PTPRT: variants seen among roughly 807,000 people sequenced by gnomAD.
The protein encoded by PTPRT is protein tyrosine phosphatase receptor type T.
In PTPRT, 56 loss-of-function variants were observed where a neutral mutation model predicts 176.8. That is an observed-to-expected ratio of 0.32 (90% CI 0.26 to 0.40). The LOEUF (loss-of-function observed/expected upper bound fraction) is 0.40, where lower values mean the gene tolerates loss of function less well. PTPRT is among the 10% of genes least tolerant of loss of function. The probability of loss-of-function intolerance (pLI) is 1.00; values close to 1 mark genes in which losing one functional copy is unlikely to be tolerated. For missense variants in PTPRT, 1,540 were observed against 1,908.2 expected (o/e 0.81, Z 3.60); for synonymous variants, 783 against 739.0 (o/e 1.06, Z -0.96).
chr20:42,201,257 G>A (rs759265079), intron 15 of PTPRT, among the ~76,000 whole-genome samples: 6 of 152,152 alleles, frequency 3.9e-5, no homozygotes, highest in Non-Finnish European at 7.4e-5. Flanking sequence ...CCGAGATCAC[G>A]CCTCTGCACT....
chr20:42,218,896 T>G (rs1363465358), intron 15 of PTPRT, among the ~76,000 whole-genome samples: 1 of 152,202 alleles, frequency 6.6e-6, no homozygotes, highest in Admixed American at 6.5e-5. Flanking sequence ...ATGTGTTACT[T>G]TGGCTGTAAG....
chr20:42,119,820 G>A, intron 20 of PTPRT, 115 bp downstream of exon 20: 3 of 910,344 alleles, frequency 3.3e-6, no homozygotes, highest in Non-Finnish European at 4.9e-6. Context: ...TAGTGAAAAA[G>A]GAGGGTTGGA....
intron 8 of PTPRT, among the ~76,000 whole-genome samples, chr20:42,459,941 A>G (rs1012052532): frequency 2.0e-5 from 3 of 152,188 alleles, no homozygotes; most frequent in Non-Finnish European, 2.9e-5. Flanking sequence ...TTGGAGATGT[A>G]AAAGCCAGGG....
At chr20:42,142,487 A>G (rs1988674782) in intron 17 of PTPRT, among the ~76,000 whole-genome samples, 1 of 152,210 alleles carries the variant, frequency 6.6e-6, no homozygotes, top group African/African-American at 2.4e-5. Flanking sequence ...GTGATGAGGA[A>G]TGAGAATTAT....
At chr20:42,228,202 T>C (rs375788844) in intron 15 of PTPRT, among the ~76,000 whole-genome samples, 2 of 152,226 alleles carry the variant, frequency 1.3e-5, no homozygotes, top group East Asian at 1.9e-4. Context: ...AAAATAGTAA[T>C]GAACACAATT....
intron 7 of PTPRT, among the ~76,000 whole-genome samples, chr20:42,485,248 G>T (rs2071447347): frequency 6.6e-6 from 1 of 152,172 alleles, no homozygotes; most frequent in Admixed American, 6.5e-5. Context: ...CATAACATCT[G>T]GGTTAGTTTC....
intron 1 of PTPRT, among the ~76,000 whole-genome samples, chr20:43,011,659 C>T (rs1985132668): frequency 6.6e-6 from 1 of 152,168 alleles, no homozygotes; most frequent in East Asian, 1.9e-4. Context: ...TTGGAATCAA[C>T]CCAAATTTCC....
chr20:42,209,487 T>C (rs2055563625), intron 15 of PTPRT, among the ~76,000 whole-genome samples: 1 of 152,042 alleles, frequency 6.6e-6, no homozygotes, highest in African/African-American at 2.4e-5. Context: ...CCCACAGAAA[T>C]GCAAACTACC....
rs180892131 is a variant in PTPRT at position 42,842,672 on chromosome 20, C to T, written c.214+43135G>A. Among the ~76,000 whole-genome samples, 167 of 152,276 alleles carry T rather than the reference C, an allele frequency of 1.1e-3. 1 individual carries two copies. Among genetic ancestry groups the T allele is most frequent in the Admixed American group, 0.01 (154 of 15,286 alleles). On this transcript the variant is annotated intron_variant, in intron 2 of 30. Transcript: ENST00000373187. The stretch of plus-strand genomic sequence containing the variant: ...TGACCTCAAGTAATCTGCCCACTTT[C>T]GCCTCTAAAAGTGCTGGTATTACAG...
intron 1 of PTPRT, among the ~76,000 whole-genome samples, chr20:42,913,985 AATTGTAAGAT>A (rs1978564383): frequency 6.6e-6 from 1 of 152,202 alleles, no homozygotes; most frequent in Non-Finnish European, 1.5e-5. Flanking sequence ...TTTTCCTTAC[AATTGTAAGAT>A]AAATCCTATT....
chr20:42,749,931 C>T (rs57081241), intron 6 of PTPRT, among the ~76,000 whole-genome samples: 4 of 152,056 alleles, frequency 2.6e-5, no homozygotes, highest in Non-Finnish European at 1.5e-5. Context: ...AAAACAGGGA[C>T]GCTGAGGAGC....
At chr20:42,923,419 C>T (rs11699334) in intron 1 of PTPRT, among the ~76,000 whole-genome samples, 1 of 152,168 alleles carries the variant, frequency 6.6e-6, no homozygotes, top group Non-Finnish European at 1.5e-5. Flanking sequence ...CACAAAGTAC[C>T]TAAATGTGCA....
intron 1 of PTPRT, among the ~76,000 whole-genome samples, chr20:43,094,193 T>C (rs545863943): frequency 8.2e-4 from 123 of 150,482 alleles, no homozygotes; most frequent in African/African-American, 2.9e-3. Flanking sequence ...GTTCACGCCA[T>C]TCTCCTGCCT....
intron 7 of PTPRT, among the ~76,000 whole-genome samples, chr20:42,597,562 T>G (rs1324338167): frequency 6.6e-6 from 1 of 152,138 alleles, no homozygotes; most frequent in Non-Finnish European, 1.5e-5. Context: ...GACCTGATTG[T>G]TTAGAAGTGT....
chr20:42,382,297 A>T (rs1418316621), intron 9 of PTPRT, among the ~76,000 whole-genome samples: 1 of 152,168 alleles, frequency 6.6e-6, no homozygotes, highest in Non-Finnish European at 1.5e-5. Flanking sequence ...CTTTGCTGAG[A>T]GGATGGAGTT....
chr20:42,518,707 C>A (rs1052890538), intron 7 of PTPRT, among the ~76,000 whole-genome samples: 3 of 151,694 alleles, frequency 2.0e-5, no homozygotes, highest in Admixed American at 6.6e-5. Context: ...TTTTTCTGTT[C>A]CATTAATTTT....
At chr20:42,436,020 AG>A (rs1363957786) in intron 9 of PTPRT, among the ~76,000 whole-genome samples, 13 of 152,332 alleles carry the variant, frequency 8.5e-5, no homozygotes, top group Admixed American at 7.8e-4. Flanking sequence ...GACTGTAAAA[AG>A]GACTTGGATA....
intron 7 of PTPRT, among the ~76,000 whole-genome samples, chr20:42,659,311 T>C (rs2075181659): frequency 6.6e-6 from 1 of 152,178 alleles, no homozygotes. Flanking sequence ...TTCATCTATC[T>C]TTGGAATATG....
In PTPRT at chr20:42,111,232, A is replaced by G. The variant is rs1339604015; in HGVS notation, c.3100-745T>C. 2.0e-5 allele frequency among the ~76,000 whole-genome samples: 3 copies of G among 152,086 alleles called. No homozygotes were observed. In the East Asian group the frequency reaches 5.8e-4, roughly 29 times the overall value. On this transcript the variant is annotated intron_variant, in intron 22 of 30. Coordinates refer to ENST00000373187, the MANE Select transcript of PTPRT (RefSeq NM_007050.6). ...TTCGCTTAGACAGTTCCTGTTCCCTACTATTTTTCTACTTAGCAATCTCCT... is the reference window on the plus strand; with the variant it reads ...TTCGCTTAGACAGTTCCTGTTCCCTGCTATTTTTCTACTTAGCAATCTCCT...
Sources: gnomAD v4.1 joint callset for allele counts (sites outside exome capture counted in the v4.1 genomes callset) on GRCh38, gnomAD v4.1.1 for gene constraint, MANE v1.5 for transcripts, NCBI Gene and HGNC (gene_info 2026-07-23, HGNC 2026-07-21) for gene names.